ENKUR: variants seen among roughly 807,000 people sequenced by gnomAD.
The protein encoded by ENKUR is enkurin.
In ENKUR, 19 loss-of-function variants were observed where a neutral mutation model predicts 27.6. The observed-to-expected ratio is 0.69, with a 90% CI of 0.48 to 1.01. The LOEUF (loss-of-function observed/expected upper bound fraction) is 1.01. Ranked by LOEUF, ENKUR falls within the 50% of genes least tolerant of loss-of-function variation. The probability of loss-of-function intolerance (pLI) is 0.00; values close to 1 mark genes in which losing one functional copy is unlikely to be tolerated. For missense variants in ENKUR, 312 were observed against 310.5 expected (o/e 1.00, Z -0.04); for synonymous variants, 117 against 96.9 (o/e 1.21, Z -1.22).
At chr10:25,017,007 C>T (rs1407212251), upstream of ENKUR, among the ~76,000 whole-genome samples, 3 of 152,196 alleles carry the variant, frequency 2.0e-5, no homozygotes, top group East Asian at 5.8e-4. Context: ...CCTCCTCCGC[C>T]TGCTGCGCTC....
At chr10:25,030,014 G>C (rs777458847) in intron 2 of ENKUR, among the ~76,000 whole-genome samples, 2 of 152,078 alleles carry the variant, frequency 1.3e-5, no homozygotes, top group Non-Finnish European at 2.9e-5. Context: ...CATTTAATTG[G>C]TACTAACAAC....
rs1376078678 is a variant in ENKUR, at chr10:24,988,448, CAT to C, written c.594+2013_594+2014del. The stretch of plus-strand genomic sequence containing the variant: ...AGTAAAATTTATTTTTTATATTGTA[CAT>C]ATGTTATATATAATTTATTTATATA... On this transcript the variant is annotated intron_variant, in intron 4 of 5. Transcript: ENST00000331161. Among the ~76,000 whole-genome samples the C allele has an allele frequency of 4.2e-5, 6 of 142,310 alleles. No homozygotes were observed. In the East Asian group the frequency reaches 1.0e-3, roughly 24 times the overall value. The allele number at this position is 142,310 out of a possible 152,430, so 93.4% of individuals were successfully genotyped here.
At chr10:25,061,515 A>C (rs774369047) in intron 1 of ENKUR, 9 of 207,232 alleles carry the variant, frequency 4.3e-5, no homozygotes, top group Non-Finnish European at 7.6e-5. Flanking sequence ...AAAGGAAAAA[A>C]CTTTGGTGAT....
In ENKUR at chr10:25,024,831, G is replaced by C. The variant is rs1254476618; in HGVS notation, c.38-28962C>G. 3 of 1,613,998 alleles carry C rather than the reference G, an allele frequency of 1.9e-6. No individual in the cohort carries two copies. In the African/African-American group the frequency reaches 4.0e-5, roughly 22 times the overall value. On this transcript the variant is annotated intron_variant, in intron 2 of 5. Coordinates refer to the ENKUR transcript ENST00000615958. ...GAAAATTTATCTGTGCCTCTAATCA[G>C]AACCATGTTTTGACTGATTTTATAA... is the stretch of plus-strand genomic sequence containing the variant.
chr10:24,998,924 G>A (rs1850125316), intron 2 of ENKUR, among the ~76,000 whole-genome samples: 2 of 152,172 alleles, frequency 1.3e-5, no homozygotes, highest in African/African-American at 4.8e-5. Context: ...ACTCATTGCA[G>A]TCCAGTTAGT....
intron 2 of ENKUR, among the ~76,000 whole-genome samples, chr10:25,047,323 T>G (rs1007405120): frequency 6.6e-6 from 1 of 152,202 alleles, no homozygotes; most frequent in Non-Finnish European, 1.5e-5. Context: ...ACTCAGTATT[T>G]GATTATCCAG....
Position 24,995,635 on chromosome 10 carries a change from C to T in ENKUR, c.447+11G>A. 2 of 1,602,190 alleles carry T rather than the reference C, an allele frequency of 1.2e-6. No homozygotes were observed. The highest frequency in any genetic ancestry group is 1.1e-5 in the South Asian group (1 of 88,372). On this transcript the variant is annotated intron_variant, in intron 3 of 5. Transcript: ENST00000331161. ...AATTTCAGCCCTCTTATTAATATACCACAAGGCTACCTTTTTATTGATGTA... is the reference window on the plus strand; with the variant it reads ...AATTTCAGCCCTCTTATTAATATACTACAAGGCTACCTTTTTATTGATGTA...
intron 2 of ENKUR, among the ~76,000 whole-genome samples, chr10:25,040,519 T>A (rs922896664): frequency 1.3e-5 from 2 of 151,414 alleles, no homozygotes; most frequent in African/African-American, 4.9e-5. Context: ...TACAGGCGCC[T>A]GCCACCACGC....
At chr10:24,993,801 G>A (rs77260255) in intron 3 of ENKUR, among the ~76,000 whole-genome samples, 3,817 of 152,248 alleles carry the variant, frequency 0.025, 153 homozygotes, top group African/African-American at 0.087. Flanking sequence ...CCTGTTGAAG[G>A]TAGAAAATGC....
intron 2 of ENKUR, among the ~76,000 whole-genome samples, chr10:25,038,080 C>G (rs780154395): frequency 6.6e-6 from 1 of 152,190 alleles, no homozygotes; most frequent in African/African-American, 2.4e-5. Context: ...AAATTACATA[C>G]TATAATACGA....
intron 1 of ENKUR, among the ~76,000 whole-genome samples, chr10:25,009,789 G>A (rs115183987): frequency 0.013 from 2,029 of 152,240 alleles, 56 homozygotes; most frequent in African/African-American, 0.046. Flanking sequence ...GTTTTATAAA[G>A]AGGCGTTCCC....
Position 25,028,919 on chromosome 10 carries a change from A to G in ENKUR, c.37+32193T>C, listed in dbSNP as rs1359655038. 2.0e-5 allele frequency among the ~76,000 whole-genome samples: 3 copies of G among 152,162 alleles called. No homozygotes were observed. In the East Asian group the frequency reaches 5.8e-4, roughly 29 times the overall value. ...TTAGTTCTGACTCTTTGAATTTTAT[A>G]TAAATGGAGTCATACTTTATGTGTT... is the stretch of plus-strand genomic sequence containing the variant. On this transcript the variant is annotated intron_variant, in intron 2 of 5. Coordinates refer to the ENKUR transcript ENST00000615958.
chr10:25,061,799 T>C (rs182734823), intron 1 of ENKUR, among the ~76,000 whole-genome samples: 1 of 152,274 alleles, frequency 6.6e-6, no homozygotes, highest in African/African-American at 2.4e-5. Context: ...TCCCTTCATC[T>C]CTGTCTCTTC....
chr10:25,025,397 C>G (rs1238232965), intron 2 of ENKUR: 2 of 1,614,118 alleles, frequency 1.2e-6, no homozygotes. Flanking sequence ...GTCTGTGCAG[C>G]TGATATGAAT....
intron 2 of ENKUR, among the ~76,000 whole-genome samples, chr10:25,048,911 T>C (rs948681788): frequency 3.3e-5 from 5 of 152,010 alleles, no homozygotes; most frequent in African/African-American, 1.2e-4. Flanking sequence ...TGTCCAATGT[T>C]ATGGGGAAAA....
At chr10:24,990,886 G>T in intron 3 of ENKUR, among the ~76,000 whole-genome samples, 1 of 152,168 alleles carries the variant, frequency 6.6e-6, no homozygotes, top group East Asian at 1.9e-4. Context: ...GATCACTTGA[G>T]GTCAGGAGTT....
chr10:25,006,919 C>T (rs558925793), intron 1 of ENKUR, among the ~76,000 whole-genome samples: 1 of 152,142 alleles, frequency 6.6e-6, no homozygotes, highest in South Asian at 2.1e-4. Context: ...ACTACTTATC[C>T]CATAGGATTC....
chr10:25,058,930 TAAA>T (rs67424973), intron 2 of ENKUR, among the ~76,000 whole-genome samples: 95 of 137,594 alleles, frequency 6.9e-4, no homozygotes, highest in Non-Finnish European at 8.2e-4. Flanking sequence ...GACTCCATCT[TAAA>T]AAAAAAAAAA....
upstream of ENKUR, among the ~76,000 whole-genome samples, chr10:25,017,180 T>G (rs566287665): frequency 6.6e-6 from 1 of 152,246 alleles, no homozygotes; most frequent in South Asian, 2.1e-4. Context: ...AGAAGCCTTT[T>G]AAGTGGGCCT....
Sources: allele counts gnomAD v4.1 joint callset (sites outside exome capture counted in the v4.1 genomes callset), GRCh38; gene constraint gnomAD v4.1.1; transcripts MANE v1.5; gene names NCBI Gene and HGNC (gene_info 2026-07-23, HGNC 2026-07-21).